The following C17orf75 variants were observed in gnomAD, a reference collection of about 807,000 sequenced individuals.
The protein encoded by C17orf75 is chromosome 17 open reading frame 75.
Under a neutral mutation model 49.6 loss-of-function variants are expected in C17orf75, and 32 were observed. The ratio of observed to expected loss-of-function variants is 0.65; its 90% CI spans 0.49 to 0.87. The LOEUF is 0.87. C17orf75 is among the 40% of genes least tolerant of loss of function. The pLI is 0.00. For synonymous variants in C17orf75, 158 were observed against 159.5 expected (o/e 0.99, Z 0.07); for missense variants, 428 against 473.9 (o/e 0.90, Z 0.90).
intron 9 of C17orf75, among the ~76,000 whole-genome samples, chr17:32,332,611 A>AAAT (rs572590198): frequency 2.0e-5 from 3 of 152,142 alleles, no homozygotes; most frequent in Non-Finnish European, 4.4e-5. Flanking sequence ...CAAAAAATAA[A>AAAT]AATAATTAGC....
intron 5 of C17orf75, among the ~76,000 whole-genome samples, chr17:32,337,676 C>T (rs910722599): frequency 2.6e-5 from 4 of 152,078 alleles, no homozygotes; most frequent in Admixed American, 6.6e-5. Flanking sequence ...CGGGTTCAAG[C>T]GATTCTCCTG....
intron 9 of C17orf75, among the ~76,000 whole-genome samples, chr17:32,332,720 T>G (rs531951572): frequency 3.3e-5 from 5 of 152,292 alleles, no homozygotes; most frequent in Non-Finnish European, 5.9e-5. Flanking sequence ...AAGCCATGAT[T>G]GCACCACTGC....
upstream of C17orf75, among the ~76,000 whole-genome samples, chr17:32,346,721 C>T (rs186580582): frequency 3.3e-5 from 5 of 152,176 alleles, no homozygotes; most frequent in East Asian, 1.9e-4. Flanking sequence ...TACAGGCACA[C>T]GCCACTAGGC....
chr17:32,332,060 C>T, intron 9 of C17orf75, 82 bp from the exon 10 acceptor site: 7 of 1,088,962 alleles, frequency 6.4e-6, no homozygotes, highest in Non-Finnish European at 9.3e-6. Context: ...CAGCTGAGAA[C>T]TCAACATATC....
upstream of C17orf75, among the ~76,000 whole-genome samples, chr17:32,344,690 C>T (rs1254123998): frequency 2.0e-5 from 3 of 151,814 alleles, no homozygotes; most frequent in Non-Finnish European, 4.4e-5. Flanking sequence ...GGGTGGATCA[C>T]TAGGTCAGGA....
Position 32,339,911 on chromosome 17 carries a change from T to C in C17orf75, c.249A>G (p.Pro83=). ...FSLSLADTNL[P]SEVEPELRSF... The stretch of plus-strand genomic sequence containing the variant: ...TGCGCAGCTCTGGCTCCACTTCGGA[T>C]GGTAGATTAGTATCTGCCAAGGAGA... Residue 83 remains proline (P), a synonymous_variant, in exon 3 of 10, where the codon CCA becomes CCG. Coordinates refer to ENST00000577809, the MANE Select transcript of C17orf75 (RefSeq NM_022344.4). 6.2e-7 allele frequency: 1 copy of C among 1,614,052 alleles called. No homozygotes were observed.
chr17:32,337,306 A>G (rs978978390), intron 5 of C17orf75, among the ~76,000 whole-genome samples: 3 of 152,054 alleles, frequency 2.0e-5, no homozygotes, highest in East Asian at 3.9e-4. Flanking sequence ...GACAAAAAAT[A>G]CCAAAAGTTA....
At chr17:32,334,202 G>A (rs561851469) in intron 8 of C17orf75, among the ~76,000 whole-genome samples, 2 of 152,190 alleles carry the variant, frequency 1.3e-5, no homozygotes, top group Admixed American at 1.3e-4. Flanking sequence ...GCTTTTTCAA[G>A]TAATGCCTTT....
Position 32,335,322 on chromosome 17 carries a change from C to T in C17orf75, c.669+1G>A. The T allele has an allele frequency of 6.2e-7, 1 of 1,613,630 alleles. No individual in the cohort carries two copies. The highest frequency in any genetic ancestry group is 1.7e-5 in the Admixed American group (1 of 59,914). Reference sequence around the variant, plus strand: ...AAATGCTCTCATTTGGCAGTACTTACAGCATGTAGCAGAAAGGTAAGCTTT... The same window carrying T: ...AAATGCTCTCATTTGGCAGTACTTATAGCATGTAGCAGAAAGGTAAGCTTT... On this transcript the variant is annotated splice_donor_variant, in intron 6 of 9. Transcript: ENST00000577809. LOFTEE classifies it high-confidence loss of function.
At chr17:32,335,627 G>A (rs757915623) in intron 5 of C17orf75, among the ~76,000 whole-genome samples, 185 bp from the exon 6 acceptor site, 2 of 152,150 alleles carry the variant, frequency 1.3e-5, no homozygotes, top group Non-Finnish European at 2.9e-5. Context: ...GGCAGGGTGA[G>A]GGTTAAATCT....
At chr17:32,349,846 C>T in intron 1 of C17orf75, 1 of 872,118 alleles carries the variant, frequency 1.1e-6, no homozygotes, top group Non-Finnish European at 1.4e-6. Flanking sequence ...AAATTGGGCG[C>T]TGTCTCTATC....
At chr17:32,340,476 T>TA (rs1255966537) in intron 2 of C17orf75, among the ~76,000 whole-genome samples, 14 of 150,012 alleles carry the variant, frequency 9.3e-5, no homozygotes, top group African/African-American at 2.2e-4. Flanking sequence ...CCGTCTCTAC[T>TA]AAAAAAAAAT....
At chr17:32,344,081 G>C (rs77792927), upstream of C17orf75, 1 of 571,908 alleles carries the variant, frequency 1.7e-6, no homozygotes, top group Non-Finnish European at 3.1e-6. Context: ...CCATATCAAG[G>C]AATTGAGAAA....
chr17:32,345,543 T>C (rs1374243368), upstream of C17orf75, among the ~76,000 whole-genome samples: 5 of 150,074 alleles, frequency 3.3e-5, 1 homozygote, highest in South Asian at 1.1e-3. Context: ...TTGAAAAGAA[T>C]TCCCCTGGCC....
upstream of C17orf75, among the ~76,000 whole-genome samples, chr17:32,345,132 T>C (rs183964253): frequency 3.9e-5 from 6 of 152,152 alleles, no homozygotes; most frequent in Admixed American, 1.3e-4. Context: ...TCTGAAAATA[T>C]ATCCTCACGT....
chr17:32,334,457 G>C lies in C17orf75; in HGVS notation c.871+12C>G, dbSNP rs768262036. On this transcript the variant is annotated intron_variant, in intron 8 of 9. Coordinates refer to ENST00000577809, the MANE Select transcript of C17orf75 (RefSeq NM_022344.4). ...GAGATGTAGGAAGGCTGCTTCAGAG[G>C]TTGTAGCTCACCTGCATTGCAGAAC... 6.2e-6 allele frequency: 10 copies of C among 1,609,378 alleles called. No homozygotes were observed. In the East Asian group the frequency reaches 2.2e-4, roughly 36 times the overall value.
Position 32,339,927 on chromosome 17 carries a change from G to A in C17orf75, c.233C>T (p.Ala78Val). 1 of 1,613,886 alleles carries A rather than the reference G, an allele frequency of 6.2e-7. No homozygotes were observed. The highest frequency in any genetic ancestry group is 1.1e-5 in the South Asian group (1 of 91,072). The change falls in exon 3 of 10, where the codon GCA becomes GTA. Residue 78 changes from alanine to valine, a missense_variant. Coordinates refer to ENST00000577809, the MANE Select transcript of C17orf75 (RefSeq NM_022344.4). The stretch of plus-strand genomic sequence containing the variant: ...CACTTCGGATGGTAGATTAGTATCT[G>A]CCAAGGAGAGGCTTGACAAATGAAA... ...PSGDDFSLSL[A>V]DTNLPSEVEP...
Position 32,337,971 on chromosome 17 carries a change from G to A in C17orf75, c.492-17C>T, listed in dbSNP as rs4795697. 6.3e-7 allele frequency: 1 copy of A among 1,592,870 alleles called. No individual in the cohort carries two copies. Among genetic ancestry groups the A allele is most frequent in the Non-Finnish European group, 8.6e-7 (1 of 1,167,046 alleles). ...AGCCTGAAAGTATGTTCTTAAGGAA[G>A]CAATAAAGGATGAATAATGAAGACA... is the stretch of plus-strand genomic sequence containing the variant. On this transcript the variant is annotated splice_polypyrimidine_tract_variant and intron_variant, in intron 4 of 9. Coordinates refer to ENST00000577809, the MANE Select transcript of C17orf75 (RefSeq NM_022344.4).
intron 2 of C17orf75, 178 bp downstream of exon 2, chr17:32,341,026 C>G: frequency 1.5e-6 from 1 of 651,112 alleles, no homozygotes; most frequent in Non-Finnish European, 2.7e-6. Context: ...TTTGTTTGCC[C>G]CAGCCTTGAA....
Sources: allele counts gnomAD v4.1 joint callset (sites outside exome capture counted in the v4.1 genomes callset), GRCh38; gene constraint gnomAD v4.1.1; transcripts MANE v1.5; gene names NCBI Gene and HGNC (gene_info 2026-07-23, HGNC 2026-07-21).